Variants in DSPP observed in about 807,000 individuals in gnomAD.
DSPP encodes the protein deafness, autosomal dominant 39.
DSPP carries 28 observed loss-of-function variants against 29.1 expected under a neutral mutation model. The ratio of observed to expected loss-of-function variants is 0.96; its 90% CI spans 0.71 to 1.32. The LOEUF (loss-of-function observed/expected upper bound fraction) is 1.32. Among genes scored for constraint, DSPP ranks in the 40% most tolerant of loss-of-function variants. DSPP has a pLI of 0.00. For synonymous variants in DSPP, 481 were observed against 503.4 expected, an observed-to-expected ratio of 0.96 and a Z score of 0.60; for missense variants, 1,281 against 1,629.9, an observed-to-expected ratio of 0.79 and a Z score of 3.69.
chr4:87,609,015 T>C (rs933451879), intron 1 of DSPP, among the ~76,000 whole-genome samples: 5 of 152,240 alleles, frequency 3.3e-5, no homozygotes, highest in African/African-American at 4.8e-5. Context: ...TTATTATTTA[T>C]TGTCCCACAT....
At chr4:87,609,588 G>A (rs148342552) in intron 1 of DSPP, among the ~76,000 whole-genome samples, 9 of 152,280 alleles carry the variant, frequency 5.9e-5, no homozygotes, top group African/African-American at 1.9e-4. Flanking sequence ...ATAAGAATGA[G>A]CACTTTTTTC....
At chr4:87,613,485 A>G (rs1727782160) in intron 4 of DSPP, among the ~76,000 whole-genome samples, 177 bp downstream of exon 4, 1 of 152,258 alleles carries the variant, frequency 6.6e-6, no homozygotes, top group Non-Finnish European at 1.5e-5. Context: ...AACTTTAAAC[A>G]TCTTACATTT....
chr4:87,608,741 G>A (rs933504106), intron 1 of DSPP, 121 bp downstream of exon 1: 5 of 152,186 alleles, frequency 3.3e-5, no homozygotes, highest in African/African-American at 1.2e-4. Flanking sequence ...TAGATTGTAT[G>A]CTTCCTTTTT....
At position 87,616,686 on chromosome 4, in the gene DSPP, AAAC is replaced by A. The variant is rs1727964541; in HGVS notation, c.*122_*124del. The A allele has an allele frequency of 6.7e-7, 1 of 1,499,534 alleles. No homozygotes were observed. Among genetic ancestry groups the A allele is most frequent in the Non-Finnish European group, 9.0e-7 (1 of 1,106,150 alleles). The allele number at this position is 1,499,534 out of a possible 1,614,324, so 92.9% of individuals were successfully genotyped here. The stretch of plus-strand genomic sequence containing the variant: ...ATAAACATAAGACGTATGTAAACAA[AAAC>A]AACTGGGGGAATCAAATCAAACAGT... On this transcript the variant is annotated 3_prime_UTR_variant, in exon 5 of 5. Transcript: ENST00000651931.
Position 87,613,116 on chromosome 4 carries a change from A to T in DSPP, c.930A>T (p.Lys310Asn), listed in dbSNP as rs1488123777. 6.2e-7 allele frequency: 1 copy of T among 1,614,208 alleles called. No homozygotes were observed. The highest frequency in any genetic ancestry group is 1.1e-5 in the South Asian group (1 of 91,076). ...DSKEYYDPEG[K>N]EDPHNEVDGD... Reference sequence around the variant, plus strand: ...AAGAATATTATGACCCTGAAGGCAAAGAAGATCCCCATAATGAAGTTGATG... The same window carrying T: ...AAGAATATTATGACCCTGAAGGCAATGAAGATCCCCATAATGAAGTTGATG... The change falls in exon 4 of 5, where the codon AAA (lysine) becomes AAT (asparagine). Residue 310 changes from lysine to asparagine, a missense_variant. Coordinates refer to ENST00000651931, the MANE Select transcript of DSPP (RefSeq NM_014208.3).
intron 2 of DSPP, among the ~76,000 whole-genome samples, chr4:87,611,790 T>C (rs1727738963): frequency 6.6e-6 from 1 of 152,044 alleles, no homozygotes; most frequent in Admixed American, 6.5e-5. Context: ...ACACCAGAGG[T>C]CTATCCCCTC....
rs1727862029 is a variant in DSPP, at chr4:87,615,378, AGTGATAGCAGCAACAGCAGTG to A, written c.2717_2737del (p.Ser906_Asp913delinsAsn). On this transcript the variant is annotated inframe_deletion, in exon 5 of 5. Coordinates refer to ENST00000651931, the MANE Select transcript of DSPP (RefSeq NM_014208.3). ...CAGCAACAGCAGTGATAGTGACAGC[AGTGATAGCAGCAACAGCAGTG>A]ACAGCAGTGATAGCAGCAACAGCAG... 1 of 1,517,732 alleles carries A rather than the reference AGTGATAGCAGCAACAGCAGTG, an allele frequency of 6.6e-7. No individual in the cohort carries two copies. The highest frequency in any genetic ancestry group is 1.4e-5 in the African/African-American group (1 of 69,534). The allele number at this position is 1,517,732 out of a possible 1,614,324, so 94.0% of individuals were successfully genotyped here.
In DSPP at chr4:87,615,713, T is replaced by C. The variant is rs541300879; in HGVS notation, c.3051T>C (p.Asn1017=). ...GCAGTGACAGCAGTGATAGCAGTAA[T>C]AGTAGTGACAGCAGCAATAGCAGTG... ...SDSSDSSDSS[N]SSDSSNSSDS... is the part of the protein sequence containing the mutation. The change falls in exon 5 of 5, where the codon AAT becomes AAC. Residue 1017 remains asparagine, a synonymous_variant. Coordinates refer to ENST00000651931, the MANE Select transcript of DSPP (RefSeq NM_014208.3). 3.7e-5 allele frequency: 52 copies of C among 1,402,480 alleles called. 1 individual carries two copies. In the African/African-American group the frequency reaches 3.8e-4, roughly 10 times the overall value. 86.9% of individuals were successfully genotyped at this position (1,402,480 alleles called of 1,614,324 possible).
chr4:87,614,755 G>A lies in DSPP; in HGVS notation c.2093G>A (p.Ser698Asn). 1.3e-6 allele frequency: 2 copies of A among 1,549,228 alleles called. No homozygotes were observed. Among genetic ancestry groups the A allele is most frequent in the Non-Finnish European group, 1.7e-6 (2 of 1,145,430 alleles). The change falls in exon 5 of 5, where the codon AGC becomes AAC. Residue 698 changes from serine to asparagine, a missense_variant. Physicochemically the swap from Ser to Asn is conservative, Grantham distance 46. Transcript: ENST00000651931. ...AGTGACAGTAGTGACAGCAGCAATA[G>A]CAGTGAGAGCAGTGATAGTAGTGAC... ...DSSDSSDSSN[S>N]SESSDSSDSS...
At position 87,616,655 on chromosome 4, in the gene DSPP, G is replaced by A. The variant is rs1039712332; in HGVS notation, c.*87G>A. 3.9e-6 allele frequency: 6 copies of A among 1,546,102 alleles called. No homozygotes were observed. Among genetic ancestry groups the A allele is most frequent in the Middle Eastern group, 1.7e-4 (1 of 5,968 alleles). On this transcript the variant is annotated 3_prime_UTR_variant, in exon 5 of 5. Transcript: ENST00000651931. ...AGATTTCCAAGAAAGTAAAGAAAGG[G>A]GAGAAATAAACATAAGACGTATGTA...
In DSPP at chr4:87,616,698, GAATCA is replaced by G. The variant is rs1384709038; in HGVS notation, c.*138_*142del. The G allele has an allele frequency of 2.7e-6, 4 of 1,456,812 alleles. No homozygotes were observed. Among genetic ancestry groups the G allele is most frequent in the Non-Finnish European group, 3.7e-6 (4 of 1,072,678 alleles). 90.2% of individuals were successfully genotyped at this position (1,456,812 alleles called of 1,614,324 possible). A position where few individuals can be genotyped will look rare whatever the true frequency, so the allele number is the denominator to read the frequency against. Reference sequence around the variant, plus strand: ...CGTATGTAAACAAAAACAACTGGGGGAATCAAATCAAACAGTTGGATTCAGAACCA... The same window carrying G: ...CGTATGTAAACAAAAACAACTGGGGGAATCAAACAGTTGGATTCAGAACCA... On this transcript the variant is annotated 3_prime_UTR_variant, in exon 5 of 5. Transcript: ENST00000651931.
At chr4:87,613,642 C>A in intron 4 of DSPP, 143 bp from the exon 5 acceptor site, 1 of 1,244,634 alleles carries the variant, frequency 8.0e-7, no homozygotes, top group South Asian at 1.4e-5. Flanking sequence ...CAGAATAAAG[C>A]ACATTTTCAC....
Position 87,614,940 on chromosome 4 carries a change from GACAGCAGCA to G in DSPP, c.2286_2294del (p.Asn763_Ser765del), listed in dbSNP as rs1727836019. The stretch of plus-strand genomic sequence containing the variant: ...CAGCAGTGACAGTAGCGATAGCAGT[GACAGCAGCA>G]ACAGCAGTGACAGCAGTGATAGCAG... On this transcript the variant is annotated inframe_deletion, in exon 5 of 5. Transcript: ENST00000651931. 2 of 1,537,808 alleles carry G rather than the reference GACAGCAGCA, an allele frequency of 1.3e-6. No homozygotes were observed. The highest frequency in any genetic ancestry group is 1.7e-6 in the Non-Finnish European group (2 of 1,146,576).
intron 4 of DSPP, among the ~76,000 whole-genome samples, 196 bp downstream of exon 4, chr4:87,613,504 T>C (rs1450025535): frequency 6.6e-6 from 1 of 152,230 alleles, no homozygotes; most frequent in Non-Finnish European, 1.5e-5. Context: ...TTCTGATAAC[T>C]TAGTTATAAT....
rs1278166363 is a variant in DSPP, at chr4:87,613,854, G to T, written c.1192G>T (p.Gly398Cys). The change falls in exon 5 of 5, where the codon GGT becomes TGT. Residue 398 changes from glycine to cysteine, a missense_variant. Physicochemically the swap from Gly to Cys is radical, Grantham distance 159. Coordinates refer to ENST00000651931, the MANE Select transcript of DSPP (RefSeq NM_014208.3). Reference sequence around the variant, plus strand: ...CAAAGAAGTTGGGAAAGGCAACGAAGGTAAAGAGGATAAAGGACAACATGG... The same window carrying T: ...CAAAGAAGTTGGGAAAGGCAACGAATGTAAAGAGGATAAAGGACAACATGG... ...ITKEVGKGNE[G>C]KEDKGQHGMI... 6.2e-7 allele frequency: 1 copy of T among 1,614,030 alleles called. No individual in the cohort carries two copies. The highest frequency in any genetic ancestry group is 1.3e-5 in the African/African-American group (1 of 74,916).
rs763139218 is a variant in DSPP, at chr4:87,614,017, G to A, written c.1355G>A (p.Ser452Asn). The change falls in exon 5 of 5, where the codon AGT (serine) becomes AAT (asparagine). Residue 452 changes from serine (S) to asparagine (N), a missense_variant. Physicochemically the swap from Ser to Asn is conservative, Grantham distance 46. Transcript: ENST00000651931. ...GACAGCAATAGTGATGGATATGACA[G>A]TTATGATTTTGATGATAAGTCCATG... ...GSDSNSDGYD[S>N]YDFDDKSMQG... 47 of 1,614,112 alleles carry A rather than the reference G, an allele frequency of 2.9e-5. No individual in the cohort carries two copies. The Middle Eastern group carries it at 4.9e-4, about 17-fold the overall frequency.
rs780535342 is a variant in DSPP at position 87,613,039 on chromosome 4, C to G, written c.853C>G (p.His285Asp). ...NNSKGQEGQDHGKEDDHDSSI... is the reference protein window; with the variant it reads ...NNSKGQEGQDDGKEDDHDSSI... ...CAGCAAGGGCCAGGAGGGCCAGGAC[C>G]ATGGGAAAGAAGATGATCATGATAG... is the stretch of plus-strand genomic sequence containing the variant. The change falls in exon 4 of 5, where the codon CAT becomes GAT. Residue 285 changes from histidine to aspartate, a missense_variant. This residue lies in a region of DSPP where 631 missense variants were observed against 643.2 expected (regional missense o/e 0.98). Coordinates refer to ENST00000651931, the MANE Select transcript of DSPP (RefSeq NM_014208.3). The G allele has an allele frequency of 1.2e-6, 2 of 1,614,078 alleles. No individual in the cohort carries two copies. The highest frequency in any genetic ancestry group is 3.3e-5 in the Admixed American group (2 of 59,988).
Position 87,615,586 on chromosome 4 carries a change from A to G in DSPP, c.2924A>G (p.Asp975Gly). ...GACAGCAGTGATAGCAATAGCAGCG[A>G]CAGCAGTGACAGCAGCAACAGCAGC... Reference protein sequence around the residue: ...SSDSSDSNSSDSSDSSNSSDS... With the variant: ...SSDSSDSNSSGSSDSSNSSDS... Residue 975 changes from aspartate to glycine, a missense_variant, in exon 5 of 5, where the codon GAC becomes GGC. Physicochemically the swap from Asp to Gly is moderately conservative, Grantham distance 94. Coordinates refer to ENST00000651931, the MANE Select transcript of DSPP (RefSeq NM_014208.3). 1.9e-6 allele frequency: 3 copies of G among 1,549,212 alleles called. No individual in the cohort carries two copies. The highest frequency in any genetic ancestry group is 2.6e-6 in the Non-Finnish European group (3 of 1,146,328).
rs1298953275 is a variant in DSPP at position 87,613,816 on chromosome 4, A to G, written c.1154A>G (p.Asn385Ser). The stretch of plus-strand genomic sequence containing the variant: ...GAAATCAAGGGTCCCAGCAGTGGCA[A>G]CAGAAATATTACCAAAGAAGTTGGG... Reference protein sequence around the residue: ...GIEIKGPSSGNRNITKEVGKG... With the variant: ...GIEIKGPSSGSRNITKEVGKG... Residue 385 changes from asparagine to serine, a missense_variant, in exon 5 of 5, where the codon AAC (asparagine) becomes AGC (serine). Physicochemically the swap from Asn to Ser is conservative, Grantham distance 46. Transcript: ENST00000651931. 1 of 1,614,206 alleles carries G rather than the reference A, an allele frequency of 6.2e-7. No homozygotes were observed. Among genetic ancestry groups the G allele is most frequent in the East Asian group, 2.2e-5 (1 of 44,882 alleles).
Sources: allele counts gnomAD v4.1 joint callset (sites outside exome capture counted in the v4.1 genomes callset), GRCh38; gene constraint gnomAD v4.1.1; regional missense constraint gnomAD v4.1.1; transcripts MANE v1.5; gene names NCBI Gene and HGNC (gene_info 2026-07-23, HGNC 2026-07-21).